The following ATP7B variants were observed in gnomAD, a reference collection of about 807,000 sequenced individuals.
ATP7B encodes the protein copper-transporting ATPase 2.
A neutral mutation model predicts 118.9 loss-of-function variants in ATP7B; 113 were observed. The ratio of observed to expected loss-of-function variants is 0.95; its 90% confidence interval spans 0.82 to 1.11. The LOEUF (loss-of-function observed/expected upper bound fraction) is 1.11, where lower values mean the gene tolerates loss of function less well. Among genes scored for constraint, ATP7B ranks in the 50% most tolerant of loss-of-function variants. ATP7B has a pLI of 0.00. For synonymous variants in ATP7B, 777 were observed against 727.4 expected (o/e 1.07, Z -1.10); for missense variants, 1,867 against 1,871.4 (o/e 1.00, Z 0.04).
rs1173297798 is a variant in ATP7B, at chr13:51,950,214, T to A, written c.2576-53A>T. 4 of 1,614,218 alleles carry A rather than the reference T, an allele frequency of 2.5e-6. No homozygotes were observed. The East Asian group carries it at 6.7e-5, about 27-fold the overall frequency. ...CTTGCTCAGCCCCATCCAGCACTCA[T>A]GTGACCTGACAGCTGCTATGATATC... On this transcript the variant is annotated intron_variant, in intron 10 of 20. Transcript: ENST00000242839.
At position 51,937,657 on chromosome 13, in the gene ATP7B, G is replaced by A. The variant is rs1555283994; in HGVS notation, c.3722C>T (p.Ala1241Val). 1 of 1,614,246 alleles carries A rather than the reference G, an allele frequency of 6.2e-7. No homozygotes were observed. Among genetic ancestry groups the A allele is most frequent in the South Asian group, 1.1e-5 (1 of 91,088 alleles). Residue 1241 changes from alanine (A) to valine (V), a missense_variant, in exon 18 of 21, where the codon GCA becomes GTA. Physicochemically the swap from Ala to Val is moderately conservative, Grantham distance 64 (BLOSUM62 0). Coordinates refer to ENST00000242839, the MANE Select transcript of ATP7B (RefSeq NM_000053.4). ...CACCTTGTGCGAAGGCAGCACCTCT[G>A]CAAAGACTTTGTTGATGCCAACCTA... ...ATQVGINKVF[A>V]EVLPSHKVAK...
intron 1 of ATP7B, among the ~76,000 whole-genome samples, chr13:51,976,891 C>T (rs774628628): frequency 6.6e-6 from 1 of 152,114 alleles, no homozygotes; most frequent in Admixed American, 6.6e-5. Flanking sequence ...CTGGGTGAGT[C>T]GGTGAATGAG....
At chr13:52,001,644 T>C (rs960618217) in intron 1 of ATP7B, among the ~76,000 whole-genome samples, 5 of 152,174 alleles carry the variant, frequency 3.3e-5, no homozygotes, top group Admixed American at 2.0e-4. Flanking sequence ...CTAAATTTCA[T>C]ACACTCCCAA....
chr13:51,937,423 G>A (rs1225142655), intron 18 of ATP7B, 30 bp from the exon 19 acceptor site: 2 of 1,614,156 alleles, frequency 1.2e-6, no homozygotes, highest in Non-Finnish European at 1.7e-6. Context: ...AGTGAGGAAG[G>A]GGTCTGCCCA....
At chr13:52,007,683 A>T (rs1387537152) in intron 1 of ATP7B, among the ~76,000 whole-genome samples, 5 of 152,120 alleles carry the variant, frequency 3.3e-5, no homozygotes, top group African/African-American at 1.2e-4. Context: ...GGCCCACAAG[A>T]CCACAAGAAT....
At chr13:51,994,697 C>G (rs1160220045) in intron 1 of ATP7B, among the ~76,000 whole-genome samples, 1 of 152,140 alleles carries the variant, frequency 6.6e-6, no homozygotes, top group Admixed American at 6.5e-5. Flanking sequence ...AACCAATGAA[C>G]AGCACAAAAA....
At chr13:51,941,055 G>A (rs375226851) in intron 16 of ATP7B, 26 bp downstream of exon 16, 205 of 1,613,966 alleles carry the variant, frequency 1.3e-4, no homozygotes, top group Non-Finnish European at 1.5e-4. Flanking sequence ...CTGAGAGAGC[G>A]GAAGGAAGGC....
Position 51,934,718 on chromosome 13 carries a change from G to A in ATP7B, c.*38C>T. The A allele has an allele frequency of 6.2e-7, 1 of 1,609,866 alleles. No homozygotes were observed. Among genetic ancestry groups the A allele is most frequent in the Non-Finnish European group, 8.5e-7 (1 of 1,179,976 alleles). On this transcript the variant is annotated 3_prime_UTR_variant, in exon 21 of 21. Transcript: ENST00000242839. ...TGTCCTGCTCAGCTTGTGGTGAGTG[G>A]AGGCAAGTCCCTGCCCCGGCCCGCC...
intron 9 of ATP7B, among the ~76,000 whole-genome samples, chr13:51,952,854 T>A (rs1958095395): frequency 6.6e-6 from 1 of 152,218 alleles, no homozygotes; most frequent in Non-Finnish European, 1.5e-5. Context: ...ATTTTTATTA[T>A]CACCTAATTG....
In ATP7B at chr13:51,942,551, G is replaced by C. The variant is rs1286080173; in HGVS notation, c.3247C>G (p.Leu1083Val). ...VAVTKYCKEE[L>V]GTETLGYCTD... The stretch of plus-strand genomic sequence containing the variant: ...CAGTATCCCAAGGTCTCTGTTCCAA[G>C]TTCCTGGGAAGGTGGAAAGAGAGGA... The change falls in exon 15 of 21, where the codon CTT becomes GTT. Residue 1083 changes from leucine (L) to valine (V), a missense_variant. Physicochemically the swap from Leu to Val is conservative, Grantham distance 32 (BLOSUM62 1). Coordinates refer to ENST00000242839, the MANE Select transcript of ATP7B (RefSeq NM_000053.4). The C allele has an allele frequency of 6.2e-7, 1 of 1,614,106 alleles. No homozygotes were observed.
intron 1 of ATP7B, among the ~76,000 whole-genome samples, chr13:51,997,235 C>T (rs991580818): frequency 6.6e-6 from 1 of 152,170 alleles, no homozygotes; most frequent in African/African-American, 2.4e-5. Flanking sequence ...AAGCTCATCG[C>T]TTTGAGCATT....
At chr13:51,967,617 G>A (rs1951627909) in intron 4 of ATP7B, among the ~76,000 whole-genome samples, 1 of 152,288 alleles carries the variant, frequency 6.6e-6, no homozygotes, top group South Asian at 2.1e-4. Context: ...CAAAGAACAC[G>A]GCTTATCAGG....
chr13:51,960,129 C>A lies in ATP7B; in HGVS notation c.2121+19G>T, dbSNP rs202091743. 6.2e-6 allele frequency: 10 copies of A among 1,610,718 alleles called. No homozygotes were observed. The highest frequency in any genetic ancestry group is 5.3e-5 in the African/African-American group (4 of 74,872). On this transcript the variant is annotated intron_variant, in intron 7 of 20. Coordinates refer to ENST00000242839, the MANE Select transcript of ATP7B (RefSeq NM_000053.4). ...ACACAGCATGGAAGGGAGAGGTCTG[C>A]CCACTTTCTCATATATACCTGGACA...
At chr13:51,942,286 T>C (rs1957379518) in intron 15 of ATP7B, 100 bp downstream of exon 15, 4 of 1,570,524 alleles carry the variant, frequency 2.5e-6, no homozygotes, top group East Asian at 2.2e-5. Flanking sequence ...CCATGAACCG[T>C]CTGCCGCACA....
intron 10 of ATP7B, 43 bp from the exon 11 acceptor site, chr13:51,950,204 C>T: frequency 6.2e-7 from 1 of 1,614,214 alleles, no homozygotes. Context: ...TCAGCCCCAT[C>T]CAGCACTCAT....
In ATP7B at chr13:51,975,577, C is replaced by A. The variant is rs192555549; in HGVS notation, c.52-409G>T. The A allele has an allele frequency of 3.1e-5, 16 of 516,348 alleles. No homozygotes were observed. The East Asian group carries it at 8.7e-4, about 28-fold the overall frequency. The allele number at this position is 516,348 out of a possible 1,614,324, so 32.0% of individuals were successfully genotyped here. A position where few individuals can be genotyped will look rare whatever the true frequency, so the allele number is the denominator to read the frequency against. ...CCCACCTCTGGCTGATACCTCCCCA[C>A]AGAACTTAGTCCTTTCAGCTCAAAC... On this transcript the variant is annotated intron_variant, in intron 1 of 20. Transcript: ENST00000242839.
At chr13:51,971,045 T>C (rs1042591205) in intron 2 of ATP7B, among the ~76,000 whole-genome samples, 4 of 152,226 alleles carry the variant, frequency 2.6e-5, no homozygotes, top group African/African-American at 9.7e-5. Flanking sequence ...AACTTCACCT[T>C]ATCTTTCATT....
intron 1 of ATP7B, among the ~76,000 whole-genome samples, chr13:51,991,852 G>C (rs747313539): frequency 2.0e-5 from 3 of 152,132 alleles, no homozygotes; most frequent in Non-Finnish European, 4.4e-5. Context: ...TTGCGGGGAA[G>C]GCCCTCCTCC....
chr13:51,941,252 T>A, intron 15 of ATP7B, 28 bp from the exon 16 acceptor site: 1 of 1,613,346 alleles, frequency 6.2e-7, no homozygotes, highest in Non-Finnish European at 8.5e-7. Flanking sequence ...TGGTTATTTC[T>A]AAATGGTCCA....
Sources: gnomAD v4.1 joint callset for allele counts (sites outside exome capture counted in the v4.1 genomes callset) on GRCh38, gnomAD v4.1.1 for gene constraint, MANE v1.5 for transcripts, NCBI Gene and HGNC (gene_info 2026-07-23, HGNC 2026-07-21) for gene names.